The following UBE4B variants were observed in gnomAD, a reference collection of about 807,000 sequenced individuals.
UBE4B encodes ubiquitination factor E4B.
In UBE4B, 27 loss-of-function variants were observed where a neutral mutation model predicts 148.1. The observed-to-expected ratio is 0.18, with a 90% CI of 0.13 to 0.25. The LOEUF is 0.25. UBE4B is among the 10% of genes least tolerant of loss of function. UBE4B has a pLI of 1.00. For synonymous variants in UBE4B, 596 were observed against 619.3 expected (o/e 0.96, Z 0.56); for missense variants, 1,170 against 1,662.4 (o/e 0.70, Z 5.15).
chr1:10,062,227 T>C (rs1359574405), intron 1 of UBE4B, among the ~76,000 whole-genome samples: 2 of 152,026 alleles, frequency 1.3e-5, no homozygotes, highest in Non-Finnish European at 2.9e-5. Flanking sequence ...CTACCATCAT[T>C]TTGCTTGTGT....
chr1:10,177,814 TA>T (rs1646449651), intron 25 of UBE4B, among the ~76,000 whole-genome samples: 1 of 152,200 alleles, frequency 6.6e-6, no homozygotes, highest in Non-Finnish European at 1.5e-5. Context: ...CAGCATACTT[TA>T]CTGTTTGGCA....
At chr1:10,080,701 G>A (rs1425276891) in intron 2 of UBE4B, among the ~76,000 whole-genome samples, 2 of 152,204 alleles carry the variant, frequency 1.3e-5, no homozygotes, top group Non-Finnish European at 2.9e-5. Flanking sequence ...ACTGTGGTAT[G>A]TATCCACAAT....
chr1:10,115,029 T>C (rs760271388), intron 7 of UBE4B, among the ~76,000 whole-genome samples: 2 of 152,150 alleles, frequency 1.3e-5, no homozygotes, highest in Non-Finnish European at 2.9e-5. Context: ...TCAGCCTCAT[T>C]GTCTCCCTTT....
intron 23 of UBE4B, among the ~76,000 whole-genome samples, chr1:10,167,624 C>G (rs139707942): frequency 0.03 from 3,750 of 126,944 alleles, 177 homozygotes; most frequent in African/African-American, 0.11. Flanking sequence ...GACGGAGTCT[C>G]ACTCTGTCAC....
chr1:10,081,239 T>C (rs943389224), intron 2 of UBE4B, among the ~76,000 whole-genome samples: 2 of 151,700 alleles, frequency 1.3e-5, no homozygotes, highest in African/African-American at 4.8e-5. Context: ...ATTTTATTTT[T>C]GGTAGAGACA....
intron 6 of UBE4B, 56 bp downstream of exon 6, chr1:10,105,800 TAGG>T: frequency 6.6e-7 from 1 of 1,521,692 alleles, no homozygotes; most frequent in Non-Finnish European, 9.0e-7. Flanking sequence ...GTGAACTACG[TAGG>T]AGAAGGGAAT....
At chr1:10,147,679 A>T (rs1355967218) in intron 19 of UBE4B, among the ~76,000 whole-genome samples, 1 of 152,144 alleles carries the variant, frequency 6.6e-6, no homozygotes, top group East Asian at 1.9e-4. Context: ...TAGAAAGAGA[A>T]ATCTATAAAT....
intron 11 of UBE4B, among the ~76,000 whole-genome samples, chr1:10,128,021 T>C (rs1645529687): frequency 6.6e-6 from 1 of 152,256 alleles, no homozygotes; most frequent in Non-Finnish European, 1.5e-5. Flanking sequence ...CTTTCCATTG[T>C]ACATGTTATT....
chr1:10,169,278 T>C (rs1368111390), intron 24 of UBE4B, among the ~76,000 whole-genome samples: 1 of 152,204 alleles, frequency 6.6e-6, no homozygotes, highest in Non-Finnish European at 1.5e-5. Context: ...TGTGGAGACA[T>C]GTTTACTTTA....
Position 10,033,408 on chromosome 1 carries a change from A to G in UBE4B, c.-263A>G. ...AAGTGGCGCCTTAAGACAACCCTGT[A>G]GCAGCAGCAGTGGCGGCCAAAGGAG... On this transcript the variant is annotated 5_prime_UTR_variant, in exon 1 of 28. Transcript: ENST00000343090. 1 of 366,264 alleles carries G rather than the reference A, an allele frequency of 2.7e-6. No individual in the cohort carries two copies. Among genetic ancestry groups the G allele is most frequent in the Non-Finnish European group, 4.9e-6 (1 of 204,440 alleles). The allele number at this position is 366,264 out of a possible 1,614,324, so 22.7% of individuals were successfully genotyped here. A position where few individuals can be genotyped will look rare whatever the true frequency, so the allele number is the denominator to read the frequency against.
intron 20 of UBE4B, among the ~76,000 whole-genome samples, chr1:10,150,862 GAAA>G (rs751799095): frequency 9.3e-6 from 1 of 107,578 alleles, no homozygotes; most frequent in Non-Finnish European, 1.9e-5. Flanking sequence ...TCCATCTCAA[GAAA>G]AAAAAAAAAA....
At chr1:10,050,226 C>T (rs773571092) in intron 1 of UBE4B, among the ~76,000 whole-genome samples, 20 of 152,172 alleles carry the variant, frequency 1.3e-4, no homozygotes, top group Non-Finnish European at 2.4e-4. Flanking sequence ...CATGCACCAC[C>T]ACACTTGGCT....
At position 10,033,514 on chromosome 1, in the gene UBE4B, GTTC is replaced by G; in HGVS notation, c.-154_-152del. On this transcript the variant is annotated 5_prime_UTR_variant, in exon 1 of 28. Transcript: ENST00000343090. ...GCCAAGGCAGTTTAGTGCCTCTCGTGTTCTTATTTTTTAACCTCTGACTATGCA... is the reference window on the plus strand; with the variant it reads ...GCCAAGGCAGTTTAGTGCCTCTCGTGTTATTTTTTAACCTCTGACTATGCA... 4 of 837,240 alleles carry G rather than the reference GTTC, an allele frequency of 4.8e-6. No homozygotes were observed. Among genetic ancestry groups the G allele is most frequent in the Non-Finnish European group, 6.8e-6 (4 of 589,622 alleles). 51.9% of individuals were successfully genotyped at this position (837,240 alleles called of 1,614,324 possible).
intron 1 of UBE4B, among the ~76,000 whole-genome samples, chr1:10,067,788 C>T (rs1644414294): frequency 6.6e-6 from 1 of 151,852 alleles, no homozygotes. Context: ...AGTGCAATGG[C>T]GTGATCTCAG....
intron 14 of UBE4B, among the ~76,000 whole-genome samples, chr1:10,131,103 A>G (rs1645585561): frequency 6.6e-6 from 1 of 152,184 alleles, no homozygotes; most frequent in Non-Finnish European, 1.5e-5. Context: ...GAGGGTGAGC[A>G]AGGATTGTTA....
intron 3 of UBE4B, among the ~76,000 whole-genome samples, chr1:10,098,848 A>C (rs758052706): frequency 6.6e-6 from 1 of 152,226 alleles, no homozygotes; most frequent in Non-Finnish European, 1.5e-5. Context: ...AGCAATAAGA[A>C]CAAGGATGAC....
At chr1:10,079,057 G>A (rs904525924) in intron 2 of UBE4B, among the ~76,000 whole-genome samples, 3 of 151,990 alleles carry the variant, frequency 2.0e-5, no homozygotes, top group Admixed American at 6.6e-5. Flanking sequence ...GGCCTCAAGC[G>A]ATCTTCCTGC....
intron 2 of UBE4B, among the ~76,000 whole-genome samples, chr1:10,077,438 A>G (rs1363707292): frequency 6.6e-6 from 1 of 152,160 alleles, no homozygotes; most frequent in Admixed American, 6.6e-5. Context: ...CTCCTTGCAA[A>G]CAGGAGTATT....
intron 2 of UBE4B, 124 bp from the exon 3 acceptor site, chr1:10,095,337 A>T: frequency 1.8e-6 from 2 of 1,125,556 alleles, no homozygotes; most frequent in Non-Finnish European, 2.5e-6. Context: ...TTCTGATAGA[A>T]ATTCCTCGGT....
Sources: allele counts gnomAD v4.1 joint callset (sites outside exome capture counted in the v4.1 genomes callset), GRCh38; gene constraint gnomAD v4.1.1; transcripts MANE v1.5; gene names NCBI Gene and HGNC (gene_info 2026-07-23, HGNC 2026-07-21).